Variants in TAF1 observed in about 807,000 individuals in gnomAD.
The protein encoded by TAF1 is TATA-box binding protein associated factor 1.
Under a neutral mutation model 138.5 loss-of-function variants are expected in TAF1, and 2 were observed. That is an observed-to-expected ratio of 0.01 (90% CI 0.01 to 0.05). TAF1 has a LOEUF of 0.05. Among genes scored for constraint, TAF1 ranks in the 10% least tolerant of loss-of-function variants. The pLI is 1.00. For missense variants in TAF1, 709 were observed against 1,478.0 expected, an observed-to-expected ratio of 0.48 and a Z score of 8.53; for synonymous variants, 437 against 503.2, an observed-to-expected ratio of 0.87 and a Z score of 1.76.
At chrX:71,485,571 G>T (rs2147521549) in intron 13 of TAF1, among the ~76,000 whole-genome samples, 1 of 112,022 alleles carries the variant, frequency 8.9e-6, no homozygotes, top group East Asian at 2.8e-4. Flanking sequence ...TCTCATTGTG[G>T]TTTAGATTTG....
chrX:71,462,584 AAAT>A (rs1254681860), intron 37 of TAF1, among the ~76,000 whole-genome samples: 1 of 109,672 alleles, frequency 9.1e-6, no homozygotes, highest in Non-Finnish European at 1.9e-5. Flanking sequence ...ATGATAATAA[AAAT>A]AATAACAACA....
intron 5 of TAF1, 47 bp downstream of exon 5, chrX:71,377,238 CAAA>C (rs2033541424): frequency 3.3e-6 from 4 of 1,195,267 alleles, no homozygotes; most frequent in African/African-American, 1.8e-5. Context: ...TGACCTCTTC[CAAA>C]TAATGAGTTT....
intron 32 of TAF1, among the ~76,000 whole-genome samples, chrX:71,430,285 G>C (rs1254137620): frequency 9.2e-6 from 1 of 108,805 alleles, no homozygotes; most frequent in Non-Finnish European, 1.9e-5. Flanking sequence ...GGAGGCTGAG[G>C]CAGGACAATG....
At chrX:71,487,109 T>C (rs1444177441) in intron 13 of TAF1, among the ~76,000 whole-genome samples, 1 of 108,602 alleles carries the variant, frequency 9.2e-6, no homozygotes, top group Non-Finnish European at 1.9e-5. Flanking sequence ...CCTTTTTTTT[T>C]TTTATCCACC....
intron 13 of TAF1, among the ~76,000 whole-genome samples, chrX:71,489,884 G>A (rs190850436): frequency 2.0e-3 from 228 of 111,510 alleles, no homozygotes; most frequent in African/African-American, 7.3e-3. Flanking sequence ...AGCTGCTATG[G>A]TTTGAATGCG....
chrX:71,382,713 A>G, intron 10 of TAF1, 48 bp from the exon 11 acceptor site: 2 of 1,202,713 alleles, frequency 1.7e-6, no homozygotes, highest in South Asian at 3.6e-5. Flanking sequence ...AAGAAAGGTA[A>G]TAGAGAAGGA....
intron 32 of TAF1, among the ~76,000 whole-genome samples, chrX:71,429,411 G>A (rs559337143): frequency 9.0e-6 from 1 of 111,600 alleles, no homozygotes; most frequent in South Asian, 3.8e-4. Flanking sequence ...GGAAAATGGT[G>A]GGGGAGAAGT....
intron 32 of TAF1, among the ~76,000 whole-genome samples, chrX:71,450,635 C>G (rs1452292853): frequency 8.9e-6 from 1 of 112,240 alleles, no homozygotes; most frequent in Non-Finnish European, 1.9e-5. Flanking sequence ...CTTTGTGCCA[C>G]TATTTTTCCA....
chrX:71,452,519 C>G (rs1007975543), intron 32 of TAF1, among the ~76,000 whole-genome samples: 81 of 109,444 alleles, frequency 7.4e-4, no homozygotes, highest in African/African-American at 2.5e-3. Flanking sequence ...CGGGAAGAAG[C>G]GCTCCTCACT....
chrX:71,402,294 A>G (rs988165289), intron 25 of TAF1, among the ~76,000 whole-genome samples: 4 of 110,995 alleles, frequency 3.6e-5, no homozygotes, highest in African/African-American at 1.3e-4. Context: ...TTTTGTAGAG[A>G]TGGGGTTTCG....
chrX:71,393,858 T>A (rs2034703722), intron 21 of TAF1, among the ~76,000 whole-genome samples: 2 of 112,170 alleles, frequency 1.8e-5, no homozygotes, highest in African/African-American at 6.5e-5. Flanking sequence ...TCAAGTTGTC[T>A]CCAGGAATTC....
chrX:71,434,202 A>G (rs1407132693), intron 32 of TAF1, among the ~76,000 whole-genome samples: 1 of 111,789 alleles, frequency 8.9e-6, no homozygotes, highest in Non-Finnish European at 1.9e-5. Context: ...GTCTCTAAAA[A>G]AATTTTTTAA....
chrX:71,452,710 A>G (rs975585997), intron 32 of TAF1, among the ~76,000 whole-genome samples: 13 of 111,927 alleles, frequency 1.2e-4, no homozygotes, highest in Admixed American at 2.8e-4. Context: ...CAAGGCAGGC[A>G]GCTGGGAGGT....
intron 13 of TAF1, among the ~76,000 whole-genome samples, chrX:71,474,411 A>G (rs1406540313): frequency 8.9e-6 from 1 of 111,864 alleles, no homozygotes; most frequent in East Asian, 2.8e-4. Flanking sequence ...AGAGGTGATG[A>G]GTGCTTCAAT....
Position 71,460,685 on chromosome X carries a change from A to C in TAF1, c.5281A>C (p.Lys1761Gln). Residue 1761 changes from lysine to glutamine, a missense_variant, in exon 37 of 38, where the codon AAA becomes CAA. Physicochemically the swap from Lys to Gln is moderately conservative, Grantham distance 53 (BLOSUM62 1). Transcript: ENST00000423759. ...SDVGSGGIRPKQPRMLQENTR... is the reference protein window; with the variant it reads ...SDVGSGGIRPQQPRMLQENTR... ...TGTGGGATCTGGTGGAATAAGACCC[A>C]AACAACCCCGCATGCTTCAGGAGAA... 1 of 1,211,486 alleles carries C rather than the reference A, an allele frequency of 8.3e-7. No homozygotes were observed. The highest frequency in any genetic ancestry group is 1.1e-6 in the Non-Finnish European group (1 of 895,330).
intron 13 of TAF1, among the ~76,000 whole-genome samples, chrX:71,494,864 G>A: frequency 8.9e-6 from 1 of 112,262 alleles, no homozygotes; most frequent in Non-Finnish European, 1.9e-5. Context: ...GCTGGCTGGG[G>A]TGGCCAGCTT....
intron 21 of TAF1, 45 bp downstream of exon 21, chrX:71,393,521 A>G: frequency 8.7e-7 from 1 of 1,148,787 alleles, no homozygotes; most frequent in Non-Finnish European, 1.2e-6. Flanking sequence ...GGAAAGGGGG[A>G]GGAGTTCCAG....
chrX:71,452,662 G>T, intron 32 of TAF1, among the ~76,000 whole-genome samples: 1 of 111,974 alleles, frequency 8.9e-6, no homozygotes, highest in East Asian at 2.8e-4. Flanking sequence ...ACGAGGTGGC[G>T]GCCGGGCAGA....
intron 13 of TAF1, chrX:71,492,294 G>T (rs183964542): frequency 9.6e-5 from 12 of 124,991 alleles, no homozygotes; most frequent in Admixed American, 8.3e-4. Flanking sequence ...GTCTGCGGGG[G>T]ACGCCTGCCG....
Sources: gnomAD v4.1 joint callset for allele counts (sites outside exome capture counted in the v4.1 genomes callset) on GRCh38, gnomAD v4.1.1 for gene constraint, MANE v1.5 for transcripts, NCBI Gene and HGNC (gene_info 2026-07-23, HGNC 2026-07-21) for gene names.